The following CSMD1 variants were observed in gnomAD, a reference collection of about 807,000 sequenced individuals.
CSMD1 encodes CUB and sushi domain-containing protein 1.
Under a neutral mutation model 417.5 loss-of-function variants are expected in CSMD1, and 213 were observed. The observed-to-expected ratio is 0.51, with a 90% confidence interval of 0.46 to 0.57. The LOEUF is 0.57. Among genes scored for constraint, CSMD1 ranks in the 20% least tolerant of loss-of-function variants. The probability of loss-of-function intolerance (pLI) is 0.00; values close to 1 mark genes in which losing one functional copy is unlikely to be tolerated. For missense variants in CSMD1, 6,923 were observed against 4,529.7 expected (o/e 1.53, Z -15.17); for synonymous variants, 2,862 against 1,736.8 (o/e 1.65, Z -16.11).
chr8:3,120,027 T>C (rs1015578285), intron 41 of CSMD1, among the ~76,000 whole-genome samples: 12 of 152,288 alleles, frequency 7.9e-5, no homozygotes, highest in South Asian at 2.1e-4. Flanking sequence ...TCCTTAACCA[T>C]TGACAATATT....
At chr8:3,477,440 T>C (rs1038947027) in intron 11 of CSMD1, among the ~76,000 whole-genome samples, 3 of 152,226 alleles carry the variant, frequency 2.0e-5, no homozygotes, top group Admixed American at 6.5e-5. Context: ...CTTAATTGTA[T>C]GATTTAAGTG....
chr8:3,104,634 T>C (rs1465968287), intron 46 of CSMD1, among the ~76,000 whole-genome samples: 4 of 152,178 alleles, frequency 2.6e-5, no homozygotes, highest in Non-Finnish European at 4.4e-5. Flanking sequence ...ACTGTTTCTC[T>C]CTTTCAGGGT....
intron 10 of CSMD1, among the ~76,000 whole-genome samples, chr8:3,551,831 A>G (rs941039457): frequency 2.0e-5 from 3 of 152,120 alleles, no homozygotes; most frequent in African/African-American, 7.2e-5. Context: ...ATCAGTCTAG[A>G]CGTGGCTTTA....
intron 2 of CSMD1, among the ~76,000 whole-genome samples, chr8:4,433,940 G>A (rs936916475): frequency 1.3e-5 from 2 of 152,140 alleles, no homozygotes; most frequent in Admixed American, 6.5e-5. Flanking sequence ...GAAACTTGTA[G>A]AATTGAGGTT....
chr8:4,477,135 T>C (rs1800844584), intron 2 of CSMD1, among the ~76,000 whole-genome samples: 1 of 152,172 alleles, frequency 6.6e-6, no homozygotes, highest in African/African-American at 2.4e-5. Context: ...TCACAGTTTA[T>C]CCAGTGGGCA....
chr8:4,817,769 C>G (rs899222789), intron 1 of CSMD1, among the ~76,000 whole-genome samples: 18 of 152,288 alleles, frequency 1.2e-4, no homozygotes, highest in African/African-American at 2.2e-4. Context: ...AGTAGGTACT[C>G]TCAATGTGAT....
At chr8:4,102,909 G>C (rs1978515) in intron 3 of CSMD1, among the ~76,000 whole-genome samples, 15,365 of 152,222 alleles carry the variant, frequency 0.1, 915 homozygotes, top group Middle Eastern at 0.15. Context: ...AAAGTGCTGA[G>C]TGCTGGAGTC....
intron 2 of CSMD1, among the ~76,000 whole-genome samples, chr8:4,454,664 C>T (rs1799362190): frequency 6.6e-6 from 1 of 152,154 alleles, no homozygotes; most frequent in African/African-American, 2.4e-5. Flanking sequence ...CTTCCAGGTC[C>T]TATTATCTTA....
At chr8:3,392,488 G>A (rs1486457365) in intron 17 of CSMD1, among the ~76,000 whole-genome samples, 1 of 151,936 alleles carries the variant, frequency 6.6e-6, no homozygotes. Flanking sequence ...CTTTTTCTCT[G>A]TCTCTGCTTT....
rs981894813 is a variant in CSMD1 at position 4,543,690 on chromosome 8, A to C, written c.302+93652T>G. Among the ~76,000 whole-genome samples the C allele has an allele frequency of 3.1e-4, 46 of 150,686 alleles. 2 individuals carry two copies. In the East Asian group the frequency reaches 8.8e-3, roughly 29 times the overall value. On this transcript the variant is annotated intron_variant, in intron 2 of 69. Coordinates refer to ENST00000635120, the MANE Select transcript of CSMD1 (RefSeq NM_033225.6). ...AATTTTGAAAAAAAAAAAAAAAAAA[A>C]AAAAAAAAAACCCACACCAAAGTGT...
At chr8:4,468,633 T>C (rs1263485969) in intron 2 of CSMD1, among the ~76,000 whole-genome samples, 1 of 152,200 alleles carries the variant, frequency 6.6e-6, no homozygotes, top group Admixed American at 6.5e-5. Context: ...ATTGTTAAAA[T>C]GGTCCATATC....
chr8:4,911,184 A>G (rs1805646500), intron 1 of CSMD1, among the ~76,000 whole-genome samples: 1 of 152,198 alleles, frequency 6.6e-6, no homozygotes, highest in Non-Finnish European at 1.5e-5. Context: ...ATGGACTAAT[A>G]CCAATGCACA....
chr8:3,358,862 T>G (rs1344003595), intron 21 of CSMD1, among the ~76,000 whole-genome samples: 1 of 151,984 alleles, frequency 6.6e-6, no homozygotes, highest in Non-Finnish European at 1.5e-5. Context: ...TCTCTCTCCG[T>G]ATATATATAT....
intron 11 of CSMD1, among the ~76,000 whole-genome samples, chr8:3,480,285 C>A (rs1165029004): frequency 6.6e-6 from 1 of 152,168 alleles, no homozygotes; most frequent in Non-Finnish European, 1.5e-5. Flanking sequence ...TTGCTTGAAC[C>A]CAGGAGGCGG....
At chr8:3,574,806 C>T in intron 10 of CSMD1, 139 bp downstream of exon 10, 3 of 938,804 alleles carry the variant, frequency 3.2e-6, no homozygotes, top group East Asian at 2.6e-5. Flanking sequence ...GGCATCTAGA[C>T]ACAGGATGCA....
chr8:4,701,354 T>C (rs1563172362), intron 1 of CSMD1, among the ~76,000 whole-genome samples: 1 of 151,200 alleles, frequency 6.6e-6, no homozygotes, highest in East Asian at 2.0e-4. Context: ...AACTTACTAC[T>C]CCTTTGTTTA....
chr8:4,096,618 A>G (rs1801025371), intron 3 of CSMD1, among the ~76,000 whole-genome samples: 1 of 152,238 alleles, frequency 6.6e-6, no homozygotes. Flanking sequence ...GATCAATTAC[A>G]ATGAAAGATA....
chr8:3,924,935 C>G (rs942602013), intron 5 of CSMD1, among the ~76,000 whole-genome samples: 2 of 152,012 alleles, frequency 1.3e-5, no homozygotes, highest in Non-Finnish European at 2.9e-5. Flanking sequence ...ATTTTTTTCT[C>G]TCTTCCTTGA....
At chr8:4,895,995 C>G (rs1222242645) in intron 1 of CSMD1, among the ~76,000 whole-genome samples, 2 of 152,024 alleles carry the variant, frequency 1.3e-5, no homozygotes, top group East Asian at 3.9e-4. Context: ...GCCATCCTCC[C>G]CTAACCATTT....
Sources: gnomAD v4.1 joint callset for allele counts (sites outside exome capture counted in the v4.1 genomes callset) on GRCh38, gnomAD v4.1.1 for gene constraint, MANE v1.5 for transcripts, NCBI Gene and HGNC (gene_info 2026-07-23, HGNC 2026-07-21) for gene names.